The following RBFOX3 variants were observed in gnomAD, a reference collection of about 807,000 sequenced individuals.
RBFOX3 encodes the protein RNA binding protein fox-1 homolog 3.
Under a neutral mutation model 48.7 loss-of-function variants are expected in RBFOX3, and 17 were observed. The ratio of observed to expected loss-of-function variants is 0.35; its 90% confidence interval spans 0.24 to 0.52. The LOEUF is 0.52. Among genes scored for constraint, RBFOX3 ranks in the 20% least tolerant of loss-of-function variants. RBFOX3 has a pLI of 0.94. For missense variants in RBFOX3, 382 were observed against 497.5 expected (o/e 0.77, Z 2.21); for synonymous variants, 212 against 209.5 (o/e 1.01, Z -0.10).
chr17:79,514,076 C>T (rs936518381), intron 1 of RBFOX3, among the ~76,000 whole-genome samples: 6 of 152,296 alleles, frequency 3.9e-5, no homozygotes, highest in Admixed American at 2.0e-4. Context: ...TGGTATTTAC[C>T]CCTCTGGAGT....
intron 1 of RBFOX3, among the ~76,000 whole-genome samples, chr17:79,590,839 C>T (rs2093396155): frequency 6.6e-6 from 1 of 152,210 alleles, no homozygotes; most frequent in African/African-American, 2.4e-5. Flanking sequence ...CTCATCACCA[C>T]AAGGCCCAGG....
chr17:79,449,649 A>ACACACACACACACACT (rs1407790058), intron 2 of RBFOX3, among the ~76,000 whole-genome samples: 1 of 151,550 alleles, frequency 6.6e-6, no homozygotes, highest in Admixed American at 6.6e-5. Flanking sequence ...ACACACACAC[A>ACACACACACACACACT]CTTTGAGTCT....
intron 4 of RBFOX3, among the ~76,000 whole-genome samples, chr17:79,164,592 G>A (rs931744907): frequency 2.6e-5 from 4 of 152,218 alleles, no homozygotes; most frequent in African/African-American, 9.7e-5. Context: ...TTGGTGGGAG[G>A]CCCAGCGTCA....
intron 4 of RBFOX3, among the ~76,000 whole-genome samples, chr17:79,142,435 CTA>C (rs1440943973): frequency 6.6e-6 from 1 of 152,180 alleles, no homozygotes; most frequent in Non-Finnish European, 1.5e-5. Flanking sequence ...CGGCTGAGCA[CTA>C]ATGGAATTTC....
At chr17:79,267,484 G>A (rs113007926) in intron 3 of RBFOX3, among the ~76,000 whole-genome samples, 2,327 of 152,124 alleles carry the variant, frequency 0.015, 60 homozygotes, top group African/African-American at 0.052. Context: ...TCCACCTCCT[G>A]GGTTCAAGTG....
chr17:79,412,590 G>A (rs1000255080), intron 2 of RBFOX3, among the ~76,000 whole-genome samples: 1 of 150,788 alleles, frequency 6.6e-6, no homozygotes, highest in African/African-American at 2.4e-5. Flanking sequence ...ATGCACGTGT[G>A]TATATATGTG....
intron 1 of RBFOX3, among the ~76,000 whole-genome samples, chr17:79,558,863 G>A (rs1212753813): frequency 6.6e-6 from 1 of 152,198 alleles, no homozygotes; most frequent in Non-Finnish European, 1.5e-5. Context: ...CCAGCATGGA[G>A]GGCACAGAGA....
At chr17:79,330,432 A>G (rs2146310928) in intron 2 of RBFOX3, among the ~76,000 whole-genome samples, 1 of 147,146 alleles carries the variant, frequency 6.8e-6, no homozygotes, top group South Asian at 2.2e-4. Context: ...CCCTCCACCG[A>G]GCACAACGAT....
At chr17:79,128,677 G>A (rs1284664018) in intron 4 of RBFOX3, among the ~76,000 whole-genome samples, 4 of 152,336 alleles carry the variant, frequency 2.6e-5, no homozygotes, top group Non-Finnish European at 5.9e-5. Flanking sequence ...GTCGTAGCCA[G>A]CAAGGTGAGA....
intron 4 of RBFOX3, among the ~76,000 whole-genome samples, chr17:79,161,511 G>A (rs1443551037): frequency 6.6e-6 from 1 of 152,184 alleles, no homozygotes. Flanking sequence ...GGGGTGTGTG[G>A]AGGCCCGGAA....
At position 79,423,106 on chromosome 17, in the gene RBFOX3, T is replaced by TTCCAGAC. The variant is rs1289811290; in HGVS notation, c.-175+59341_-175+59347dup. ...CTTTCTGCCTCCAGCCCCAGTCTCC[T>TTCCAGAC]TCCAGACTCCAGACTCTTGGGTCCA... On this transcript the variant is annotated intron_variant, in intron 2 of 14. Transcript: ENST00000693108. This position sits in a 1 kb window ranked among gnomAD's most constrained non-coding sequence, Gnocchi z 4.9. Among the ~76,000 whole-genome samples the TTCCAGAC allele has an allele frequency of 1.3e-5, 2 of 152,164 alleles. No individual in the cohort carries two copies. The highest frequency in any genetic ancestry group is 6.5e-5 in the Admixed American group (1 of 15,276).
intron 1 of RBFOX3, among the ~76,000 whole-genome samples, chr17:79,542,575 G>A (rs1028398689): frequency 6.6e-6 from 1 of 152,220 alleles, no homozygotes; most frequent in East Asian, 1.9e-4. Flanking sequence ...CCTGAGATCA[G>A]GAGTTCGAGA....
At chr17:79,660,523 G>T in the RBFOX3 span, among the ~76,000 whole-genome samples, 1 of 152,130 alleles carries the variant, frequency 6.6e-6, no homozygotes, top group African/African-American at 2.4e-5. Context: ...ACATACATGT[G>T]GTCAAGAAGC....
At chr17:79,426,792 C>T (rs1314193707) in intron 2 of RBFOX3, among the ~76,000 whole-genome samples, 4 of 152,178 alleles carry the variant, frequency 2.6e-5, no homozygotes, top group Non-Finnish European at 5.9e-5. Flanking sequence ...GGAACCTACA[C>T]CTCCCAGGTT....
intron 2 of RBFOX3, among the ~76,000 whole-genome samples, chr17:79,387,497 C>G: frequency 6.6e-6 from 1 of 152,212 alleles, no homozygotes; most frequent in Non-Finnish European, 1.5e-5. Flanking sequence ...CTGCCAGGGC[C>G]CACAGGGTCC....
At chr17:79,234,183 G>C (rs2061365582) in intron 4 of RBFOX3, 3 of 152,300 alleles carry the variant, frequency 2.0e-5, no homozygotes, top group African/African-American at 7.2e-5. Context: ...GAAGCCTGAG[G>C]CCATGTGAAG....
At chr17:79,250,242 C>T (rs139673682) in intron 3 of RBFOX3, among the ~76,000 whole-genome samples, 5 of 152,276 alleles carry the variant, frequency 3.3e-5, no homozygotes, top group East Asian at 1.9e-4. Flanking sequence ...TCCCGGTGAA[C>T]GTCCATCTGC....
chr17:79,346,327 T>C lies in RBFOX3; in HGVS notation c.-174-38503A>G, dbSNP rs1405248092. 2.6e-5 allele frequency among the ~76,000 whole-genome samples: 4 copies of C among 152,200 alleles called. No individual in the cohort carries two copies. In the East Asian group the frequency reaches 7.7e-4, roughly 29 times the overall value. On this transcript the variant is annotated intron_variant, in intron 2 of 14. Transcript: ENST00000693108. ...ATAGTGTACTTTGTATATGGGTAAC[T>C]ACACAATTTTTTTTTCCAGCTCACT...
At chr17:79,235,108 GA>G (rs2147871111) in intron 4 of RBFOX3, 1 of 152,284 alleles carries the variant, frequency 6.6e-6, no homozygotes, top group East Asian at 1.9e-4. Flanking sequence ...TGAAGGTCCA[GA>G]AGCATCATAC....
Sources: gnomAD v4.1 joint callset for allele counts (sites outside exome capture counted in the v4.1 genomes callset) on GRCh38, gnomAD v4.1.1 for gene constraint, Gnocchi (gnomAD v3.1) non-coding constraint, MANE v1.5 for transcripts, NCBI Gene and HGNC (gene_info 2026-07-23, HGNC 2026-07-21) for gene names.